Variants in ERLEC1 observed in about 807,000 individuals in gnomAD.
ERLEC1 encodes the protein ER lectin.
In ERLEC1, 47 loss-of-function variants were observed where a neutral mutation model predicts 68.0. The ratio of observed to expected loss-of-function variants is 0.69; its 90% confidence interval spans 0.55 to 0.88. The LOEUF (loss-of-function observed/expected upper bound fraction) is 0.88, where lower values mean the gene tolerates loss of function less well. Ranked by LOEUF, ERLEC1 falls within the 40% of genes least tolerant of loss-of-function variation. The pLI is 0.00. For missense variants in ERLEC1, 567 were observed against 583.8 expected (o/e 0.97, Z 0.30); for synonymous variants, 225 against 203.2 (o/e 1.11, Z -0.91).
intron 2 of ERLEC1, 63 bp from the exon 3 acceptor site, chr2:53,795,870 A>G: frequency 1.8e-6 from 2 of 1,140,668 alleles, no homozygotes; most frequent in Admixed American, 4.5e-5. Context: ...GTTAATATCC[A>G]AACAGCAAAG....
intron 10 of ERLEC1, among the ~76,000 whole-genome samples, chr2:53,810,468 A>G (rs537749982): frequency 2.0e-5 from 3 of 152,300 alleles, no homozygotes; most frequent in East Asian, 3.9e-4. Flanking sequence ...TCAAGTTCCA[A>G]TTCTGTTATT....
In ERLEC1 at chr2:53,814,903, C is replaced by G. The variant is rs553603205; in HGVS notation, c.1348C>G (p.Leu450Val). Reference sequence around the variant, plus strand: ...ACCTCATGCTGTTACTGTATATATGCTAGAGCCTCACTCCTGTCAATATAT... The same window carrying G: ...ACCTCATGCTGTTACTGTATATATGGTAGAGCCTCACTCCTGTCAATATAT... The part of the protein sequence containing the change: ...DSPHAVTVYM[L>V]EPHSCQYILG... The change falls in exon 13 of 14, where the codon CTA becomes GTA. Residue 450 changes from leucine to valine, a missense_variant. By Grantham distance (32) the Leu-to-Val change is conservative. Transcript: ENST00000185150. 1.7e-5 allele frequency: 27 copies of G among 1,606,230 alleles called. No individual in the cohort carries two copies. The South Asian group carries it at 2.8e-4, about 17-fold the overall frequency.
chr2:53,801,926 A>G (rs897336561), intron 8 of ERLEC1, 84 bp downstream of exon 8: 33 of 1,135,872 alleles, frequency 2.9e-5, no homozygotes, highest in Non-Finnish European at 4.2e-5. Flanking sequence ...TGATTTCTGT[A>G]GTATAATGGT....
chr2:53,812,407 G>A (rs905374778), intron 10 of ERLEC1, among the ~76,000 whole-genome samples: 2 of 152,174 alleles, frequency 1.3e-5, no homozygotes, highest in Non-Finnish European at 2.9e-5. Context: ...AATGGGAAAA[G>A]GGGTTTCTGG....
intron 8 of ERLEC1, among the ~76,000 whole-genome samples, chr2:53,807,269 T>TA (rs1401966971): frequency 3.9e-5 from 6 of 151,962 alleles, no homozygotes; most frequent in African/African-American, 1.4e-4. Context: ...GATAAACACA[T>TA]AAATCACAAA....
chr2:53,794,241 T>C, intron 1 of ERLEC1, 104 bp from the exon 2 acceptor site: 3 of 522,532 alleles, frequency 5.7e-6, no homozygotes, highest in Non-Finnish European at 1.0e-5. Context: ...TCTGTTGAAA[T>C]GTTAAATTAG....
chr2:53,799,053 A>G lies in ERLEC1; in HGVS notation c.497A>G (p.Glu166Gly). The stretch of plus-strand genomic sequence containing the variant: ...TTACCTTATTATTCCACAGAACGAG[A>G]AGCAGAAGAAAAGGAAAAATCAAAT... The part of the protein sequence containing the change: ...AKNLLFEKER[E>G]AEEKEKSNEI... The change falls in exon 6 of 14, where the codon GAA becomes GGA. Residue 166 changes from glutamate (E) to glycine (G), a missense_variant. Coordinates refer to ENST00000185150, the MANE Select transcript of ERLEC1 (RefSeq NM_015701.5). The G allele has an allele frequency of 6.2e-7, 1 of 1,612,594 alleles. No homozygotes were observed. The highest frequency in any genetic ancestry group is 8.5e-7 in the Non-Finnish European group (1 of 1,179,130).
At chr2:53,792,907 G>T (rs745690846) in intron 1 of ERLEC1, among the ~76,000 whole-genome samples, 26 of 152,060 alleles carry the variant, frequency 1.7e-4, no homozygotes, top group Non-Finnish European at 3.7e-4. Context: ...CTACTAGGGA[G>T]GCTAAGGCGG....
chr2:53,817,797 C>G (rs985865665), intron 13 of ERLEC1, 101 bp from the exon 14 acceptor site: 2 of 698,130 alleles, frequency 2.9e-6, no homozygotes, highest in African/African-American at 3.5e-5. Flanking sequence ...AACAAGGACT[C>G]ATGCTTCTAG....
At chr2:53,805,614 T>G (rs775174350) in intron 8 of ERLEC1, among the ~76,000 whole-genome samples, 6 of 152,072 alleles carry the variant, frequency 3.9e-5, no homozygotes, top group Non-Finnish European at 5.9e-5. Flanking sequence ...AACATGGAAG[T>G]GCAGATATCT....
chr2:53,801,142 T>C (rs1675980046), intron 6 of ERLEC1, among the ~76,000 whole-genome samples: 1 of 152,186 alleles, frequency 6.6e-6, no homozygotes, highest in African/African-American at 2.4e-5. Flanking sequence ...AAATGTACAT[T>C]TACTTAACAT....
chr2:53,816,916 C>A (rs991163452), intron 13 of ERLEC1, among the ~76,000 whole-genome samples: 6 of 152,240 alleles, frequency 3.9e-5, no homozygotes, highest in African/African-American at 1.4e-4. Flanking sequence ...TCTGATACTC[C>A]AATAAGACAT....
At chr2:53,797,649 T>C in intron 4 of ERLEC1, 57 bp downstream of exon 4, 1 of 1,566,090 alleles carries the variant, frequency 6.4e-7, no homozygotes, top group African/African-American at 1.4e-5. Flanking sequence ...ACTTTAATAA[T>C]GAGATTGATA....
intron 9 of ERLEC1, 91 bp from the exon 10 acceptor site, chr2:53,809,123 A>C: frequency 1.1e-6 from 1 of 881,130 alleles, no homozygotes; most frequent in Non-Finnish European, 1.8e-6. Flanking sequence ...TACAGGTTTT[A>C]AAAATAACAT....
chr2:53,794,602 C>G (rs1675585839), intron 2 of ERLEC1, among the ~76,000 whole-genome samples, 153 bp downstream of exon 2: 1 of 152,114 alleles, frequency 6.6e-6, no homozygotes, highest in South Asian at 2.1e-4. Flanking sequence ...TCCCTGAATT[C>G]TTTGATTTTG....
intron 13 of ERLEC1, among the ~76,000 whole-genome samples, chr2:53,816,416 A>G (rs890698760): frequency 6.6e-6 from 1 of 151,702 alleles, no homozygotes; most frequent in African/African-American, 2.4e-5. Context: ...ACAGGCATAT[A>G]TGGTACCACG....
chr2:53,791,366 G>C (rs1335373769), intron 1 of ERLEC1, among the ~76,000 whole-genome samples: 1 of 152,080 alleles, frequency 6.6e-6, no homozygotes, highest in Non-Finnish European at 1.5e-5. Context: ...AAAATACCTT[G>C]TTATGTAAAG....
intron 13 of ERLEC1, among the ~76,000 whole-genome samples, chr2:53,817,145 T>A (rs1413766748): frequency 1.3e-5 from 2 of 151,818 alleles, no homozygotes; most frequent in Non-Finnish European, 2.9e-5. Flanking sequence ...CTTATTTTTT[T>A]TTTTTTGAGA....
intron 1 of ERLEC1, among the ~76,000 whole-genome samples, chr2:53,791,353 C>T (rs1215590151): frequency 1.3e-5 from 2 of 152,206 alleles, no homozygotes; most frequent in Non-Finnish European, 2.9e-5. Context: ...TCCTCTTCCA[C>T]TGAAAATACC....
Sources: allele counts gnomAD v4.1 joint callset (sites outside exome capture counted in the v4.1 genomes callset), GRCh38; gene constraint gnomAD v4.1.1; transcripts MANE v1.5; gene names NCBI Gene and HGNC (gene_info 2026-07-23, HGNC 2026-07-21).